Variants in EYS observed in about 807,000 individuals in gnomAD.
EYS encodes the protein protein eyes shut homolog.
In EYS, 250 loss-of-function variants were observed where a neutral mutation model predicts 282.1. That is an observed-to-expected ratio of 0.89 (90% confidence interval 0.80 to 0.98). The LOEUF is 0.98. Among genes scored for constraint, EYS ranks in the 50% least tolerant of loss-of-function variants. The pLI, the probability that EYS is intolerant of heterozygous loss-of-function variation, is 0.00. For synonymous variants in EYS, 1,355 were observed against 1,282.9 expected (o/e 1.06, Z -1.20); for missense variants, 4,016 against 3,709.0 (o/e 1.08, Z -2.15).
rs76148755 is a variant in EYS at position 65,370,456 on chromosome 6, T to A, written c.1299+13930A>T. ...AAAAAATAGAAATTGCATCTCATGA[T>A]GTATTCCAGGCTGGTCTCGAACTCC... On this transcript the variant is annotated intron_variant, in intron 8 of 42. Transcript: ENST00000503581. Among the ~76,000 whole-genome samples the A allele has an allele frequency of 7.3e-5, 11 of 151,466 alleles. No individual in the cohort carries two copies. In the East Asian group the frequency reaches 2.1e-3, roughly 29 times the overall value.
At chr6:64,492,540 G>T (rs887953562) in intron 26 of EYS, among the ~76,000 whole-genome samples, 25 of 150,860 alleles carry the variant, frequency 1.7e-4, no homozygotes, top group African/African-American at 5.8e-4. Context: ...TTTGGATGTT[G>T]CCCCCACACA....
At chr6:64,505,341 T>C (rs1215377324) in intron 26 of EYS, among the ~76,000 whole-genome samples, 1 of 152,196 alleles carries the variant, frequency 6.6e-6, no homozygotes, top group Non-Finnish European at 1.5e-5. Context: ...TTTTGTAGCT[T>C]TTATCATAGG....
chr6:64,151,345 ATATATATATATATATAT>A (rs1774718303), intron 31 of EYS, among the ~76,000 whole-genome samples: 1 of 118,434 alleles, frequency 8.4e-6, no homozygotes, highest in Non-Finnish European at 1.6e-5. Flanking sequence ...ATATATATAT[ATATATATATATATATAT>A]AATTTTTTTT....
At chr6:63,878,775 C>A (rs1406193650) in intron 35 of EYS, among the ~76,000 whole-genome samples, 4 of 152,196 alleles carry the variant, frequency 2.6e-5, no homozygotes, top group Non-Finnish European at 5.9e-5. Context: ...ACCCTCTGAG[C>A]CAGGCACGGG....
At chr6:64,211,922 C>T (rs1765793082) in intron 31 of EYS, among the ~76,000 whole-genome samples, 1 of 151,688 alleles carries the variant, frequency 6.6e-6, no homozygotes. Flanking sequence ...TTGAGACCAG[C>T]TTGGCCAACA....
chr6:63,795,095 T>A (rs1435192339), intron 37 of EYS, among the ~76,000 whole-genome samples: 1 of 152,180 alleles, frequency 6.6e-6, no homozygotes, highest in Non-Finnish European at 1.5e-5. Context: ...GGATCTCTCT[T>A]TGGCTAGAAA....
intron 33 of EYS, among the ~76,000 whole-genome samples, chr6:64,006,708 G>T (rs1015347522): frequency 1.3e-5 from 2 of 152,134 alleles, no homozygotes; most frequent in African/African-American, 2.4e-5. Flanking sequence ...GACATGAAAT[G>T]ATGTTGAATT....
At position 64,593,822 on chromosome 6, in the gene EYS, A is replaced by C. The variant is rs571155615; in HGVS notation, c.3685-513T>G. ...TTATGTGTTTTAGTTTGACATGAAA[A>C]GGCTATTTCTACCATATCCTATAAA... On this transcript the variant is annotated intron_variant, in intron 24 of 42. Transcript: ENST00000503581. Among the ~76,000 whole-genome samples, 3 of 152,274 alleles carry C rather than the reference A, an allele frequency of 2.0e-5. No homozygotes were observed. The South Asian group carries it at 6.2e-4, about 32-fold the overall frequency.
intron 22 of EYS, among the ~76,000 whole-genome samples, chr6:64,726,644 A>T (rs1278073942): frequency 6.6e-6 from 1 of 152,156 alleles, no homozygotes; most frequent in Non-Finnish European, 1.5e-5. Context: ...GACTAATTCA[A>T]CCAGAAAAGT....
intron 12 of EYS, among the ~76,000 whole-genome samples, chr6:65,077,072 A>G (rs969474650): frequency 7.9e-5 from 12 of 152,158 alleles, no homozygotes; most frequent in Admixed American, 2.0e-4. Flanking sequence ...GGTTACCTGT[A>G]GTCACGTCTA....
At chr6:64,656,221 C>T (rs897385205) in intron 22 of EYS, among the ~76,000 whole-genome samples, 2 of 152,034 alleles carry the variant, frequency 1.3e-5, no homozygotes, top group East Asian at 1.9e-4. Flanking sequence ...CTATGTTTTA[C>T]GATGGTGTCT....
At chr6:65,518,542 G>T (rs1400802704) in intron 2 of EYS, among the ~76,000 whole-genome samples, 1 of 152,058 alleles carries the variant, frequency 6.6e-6, no homozygotes, top group Non-Finnish European at 1.5e-5. Flanking sequence ...AAAAAGGTAA[G>T]ATTTATTTTA....
At chr6:64,989,694 A>G (rs990887226) in intron 14 of EYS, among the ~76,000 whole-genome samples, 17 of 145,238 alleles carry the variant, frequency 1.2e-4, no homozygotes, top group African/African-American at 4.0e-4. Flanking sequence ...TATATCTTAC[A>G]TATTTCTTAT....
chr6:63,896,654 C>T (rs550828102), intron 35 of EYS, among the ~76,000 whole-genome samples: 3 of 152,316 alleles, frequency 2.0e-5, no homozygotes, highest in East Asian at 3.9e-4. Flanking sequence ...GACATATATG[C>T]ACCATTCATG....
intron 35 of EYS, among the ~76,000 whole-genome samples, chr6:63,977,528 T>C (rs1324237413): frequency 6.6e-6 from 1 of 151,972 alleles, no homozygotes; most frequent in Non-Finnish European, 1.5e-5. Context: ...GTTGAGGGCC[T>C]CTTAAGCTTC....
chr6:64,383,210 A>T (rs941329034), intron 29 of EYS, among the ~76,000 whole-genome samples: 6 of 152,182 alleles, frequency 3.9e-5, no homozygotes, highest in African/African-American at 1.4e-4. Context: ...CTGAGGTGGG[A>T]AGATTGTTTG....
chr6:65,054,152 TC>T (rs1263140690), intron 13 of EYS, among the ~76,000 whole-genome samples: 1 of 151,968 alleles, frequency 6.6e-6, no homozygotes, highest in Non-Finnish European at 1.5e-5. Flanking sequence ...TCAAGGAAAG[TC>T]TTTCCTATTA....
intron 41 of EYS, among the ~76,000 whole-genome samples, chr6:63,729,505 A>C (rs1768726656): frequency 6.7e-6 from 1 of 148,846 alleles, no homozygotes; most frequent in African/African-American, 2.5e-5. Flanking sequence ...GAAAGATGTC[A>C]TGTCTGTGTC....
intron 12 of EYS, among the ~76,000 whole-genome samples, chr6:65,063,766 T>C (rs1307772473): frequency 1.3e-5 from 2 of 151,878 alleles, no homozygotes; most frequent in African/African-American, 2.4e-5. Flanking sequence ...GCACAAAGAG[T>C]TATCTAAATG....
Sources: gnomAD v4.1 joint callset for allele counts (sites outside exome capture counted in the v4.1 genomes callset) on GRCh38, gnomAD v4.1.1 for gene constraint, MANE v1.5 for transcripts, NCBI Gene and HGNC (gene_info 2026-07-23, HGNC 2026-07-21) for gene names.